ERMP1: variants seen among roughly 807,000 people sequenced by gnomAD.
The protein encoded by ERMP1 is Felix-ina.
A neutral mutation model predicts 92.0 loss-of-function variants in ERMP1; 86 were observed. That is an observed-to-expected ratio of 0.93 (90% CI 0.79 to 1.12). ERMP1 has a LOEUF of 1.12. ERMP1 is among the 50% of genes most tolerant of loss of function. ERMP1 has a pLI of 0.00. For synonymous variants in ERMP1, 530 were observed against 412.8 expected, an observed-to-expected ratio of 1.28 and a Z score of -3.44; for missense variants, 1,342 against 1,116.3, an observed-to-expected ratio of 1.20 and a Z score of -2.88.
At chr9:5,819,217 A>G (rs10758707) in intron 4 of ERMP1, among the ~76,000 whole-genome samples, 71,626 of 152,058 alleles carry the variant, frequency 0.47, 19,771 homozygotes, top group Non-Finnish European at 0.62. Flanking sequence ...CATCCATACA[A>G]TGGGTTAGTC....
intron 4 of ERMP1, among the ~76,000 whole-genome samples, chr9:5,813,329 T>C (rs1425486324): frequency 2.0e-5 from 3 of 152,200 alleles, no homozygotes; most frequent in Non-Finnish European, 4.4e-5. Context: ...TTATCAATTG[T>C]ATATCTTTAA....
intron 4 of ERMP1, among the ~76,000 whole-genome samples, chr9:5,819,978 G>A (rs1308559815): frequency 6.6e-6 from 1 of 152,168 alleles, no homozygotes; most frequent in Non-Finnish European, 1.5e-5. Context: ...CAATAAAGCT[G>A]TAACTTTAAA....
chr9:5,833,861 G>C (rs1301568984), upstream of ERMP1, among the ~76,000 whole-genome samples: 2 of 152,084 alleles, frequency 1.3e-5, no homozygotes, highest in Non-Finnish European at 2.9e-5. Flanking sequence ...CGACTCTCTG[G>C]GGCGGTTAAG....
At chr9:5,843,241 G>C (rs1337385383) in intron 6 of ERMP1, among the ~76,000 whole-genome samples, 3 of 152,224 alleles carry the variant, frequency 2.0e-5, no homozygotes, top group Admixed American at 6.5e-5. Flanking sequence ...AGTAACCATA[G>C]CTCTGCGGAA....
At chr9:5,834,699 A>G (rs62558105), upstream of ERMP1, among the ~76,000 whole-genome samples, 243 of 81,998 alleles carry the variant, frequency 3.0e-3, no homozygotes, top group Non-Finnish European at 5.9e-3. Context: ...ATATGTATGT[A>G]TATATGTGTG....
chr9:5,824,756 T>C (rs1028822274), intron 3 of ERMP1, among the ~76,000 whole-genome samples: 4 of 152,194 alleles, frequency 2.6e-5, no homozygotes, highest in African/African-American at 9.6e-5. Context: ...AGACGATCCA[T>C]ATGGCTGGGC....
chr9:5,854,282 T>C (rs1407601859), intron 6 of ERMP1, among the ~76,000 whole-genome samples: 1 of 152,098 alleles, frequency 6.6e-6, no homozygotes, highest in African/African-American at 2.4e-5. Context: ...GAGTGAATCT[T>C]TGGAATAGAA....
intron 11 of ERMP1, 115 bp downstream of exon 11, chr9:5,801,061 A>G: frequency 9.4e-7 from 1 of 1,060,520 alleles, no homozygotes; most frequent in Non-Finnish European, 1.4e-6. Flanking sequence ...AAAGGTGAGT[A>G]TGACTAAATA....
intron 6 of ERMP1, among the ~76,000 whole-genome samples, chr9:5,848,351 T>C (rs1389630304): frequency 1.3e-5 from 2 of 152,036 alleles, no homozygotes; most frequent in African/African-American, 4.8e-5. Flanking sequence ...CTCCTGCAGC[T>C]GGAAAAAGCA....
chr9:5,832,696 T>A lies in ERMP1; in HGVS notation c.332A>T (p.Gln111Leu), dbSNP rs1830002812. The change falls in exon 1 of 15, where the codon CAA (glutamine) becomes CTA (leucine). Residue 111 changes from glutamine to leucine, a missense_variant. By Grantham distance (113) the Gln-to-Leu change is moderately radical. Coordinates refer to ENST00000339450, the MANE Select transcript of ERMP1 (RefSeq NM_024896.3). ...AGHRGEFDAL[Q>L]ARDYLEHITS... is the part of the protein sequence containing the mutation. ...AGGAGGGAGCGGCCGGTACCTGGCT[T>A]GGAGCGCGTCGAACTCCCCGCGGTG... The A allele has an allele frequency of 6.8e-7, 1 of 1,470,770 alleles. No homozygotes were observed. Among genetic ancestry groups the A allele is most frequent in the African/African-American group, 1.5e-5 (1 of 68,248 alleles). The allele number at this position is 1,470,770 out of a possible 1,614,324, so 91.1% of individuals were successfully genotyped here. A position where few individuals can be genotyped will look rare whatever the true frequency, so the allele number is the denominator to read the frequency against.
chr9:5,849,827 TA>T (rs1355196993), intron 6 of ERMP1, among the ~76,000 whole-genome samples: 1 of 152,220 alleles, frequency 6.6e-6, no homozygotes, highest in East Asian at 1.9e-4. Context: ...GGATCACATA[TA>T]AATCTACCCA....
At chr9:5,805,546 G>T in intron 9 of ERMP1, 65 bp downstream of exon 9, 1 of 1,385,090 alleles carries the variant, frequency 7.2e-7, no homozygotes, top group Non-Finnish European at 9.6e-7. Flanking sequence ...AAAAGAAAGA[G>T]TCCCTGAAAG....
chr9:5,810,480 T>C (rs1050822470), intron 7 of ERMP1, among the ~76,000 whole-genome samples: 1 of 152,230 alleles, frequency 6.6e-6, no homozygotes, highest in African/African-American at 2.4e-5. Flanking sequence ...CTTCTAGGAA[T>C]AGTTCAGGTA....
intron 1 of ERMP1, 26 bp from the exon 2 acceptor site, chr9:5,831,054 A>T: frequency 1.3e-6 from 2 of 1,583,448 alleles, no homozygotes; most frequent in South Asian, 1.1e-5. Context: ...AGAATAACAA[A>T]GGTTTGTAGT....
At chr9:5,829,930 A>G (rs1248037740) in intron 2 of ERMP1, among the ~76,000 whole-genome samples, 1 of 152,252 alleles carries the variant, frequency 6.6e-6, no homozygotes, top group Non-Finnish European at 1.5e-5. Context: ...TGGAAGTTCA[A>G]TTTAGGGGAT....
Position 5,805,802 on chromosome 9 carries a change from T to C in ERMP1, c.1549-17A>G. The C allele has an allele frequency of 1.9e-6, 3 of 1,579,912 alleles. No homozygotes were observed. Among genetic ancestry groups the C allele is most frequent in the Non-Finnish European group, 2.6e-6 (3 of 1,165,094 alleles). Reference sequence around the variant, plus strand: ...ACTGGCATTCTGAAAGAAAGAAAAATATACAAGTAGTCTCATTCAGGGGTC... The same window carrying C: ...ACTGGCATTCTGAAAGAAAGAAAAACATACAAGTAGTCTCATTCAGGGGTC... On this transcript the variant is annotated splice_polypyrimidine_tract_variant and intron_variant, in intron 8 of 14. Transcript: ENST00000339450.
chr9:5,798,007 G>T, intron 12 of ERMP1, 75 bp from the exon 13 acceptor site: 1 of 893,830 alleles, frequency 1.1e-6, no homozygotes, highest in Non-Finnish European at 1.8e-6. Context: ...GAACTGTTCA[G>T]CATATATGAA....
At chr9:5,787,647 A>G (rs12379845) in intron 13 of ERMP1, 54 bp from the exon 14 acceptor site, 46,736 of 1,543,216 alleles carry the variant, frequency 0.03, 863 homozygotes, top group Middle Eastern at 0.037. Context: ...GATCAAAAAA[A>G]TAACCCACAA....
At position 5,787,549 on chromosome 9, in the gene ERMP1, T is replaced by C; in HGVS notation, c.2431A>G (p.Thr811Ala). 1 of 1,613,984 alleles carries C rather than the reference T, an allele frequency of 6.2e-7. No homozygotes were observed. Among genetic ancestry groups the C allele is most frequent in the Non-Finnish European group, 8.5e-7 (1 of 1,179,918 alleles). ...TTGCCAAGAGACCACTGAGAAAGTGTTGACCCTTTGTGGGCTCGAACATAG... is the reference window on the plus strand; with the variant it reads ...TTGCCAAGAGACCACTGAGAAAGTGCTGACCCTTTGTGGGCTCGAACATAG... ...SFYVRAHKGS[T>A]LSQWSLGNGT... The change falls in exon 14 of 15, where the codon ACA (threonine) becomes GCA (alanine). Residue 811 changes from threonine (T) to alanine (A), a missense_variant. Transcript: ENST00000339450.
Sources: allele counts gnomAD v4.1 joint callset (sites outside exome capture counted in the v4.1 genomes callset), GRCh38; gene constraint gnomAD v4.1.1; transcripts MANE v1.5; gene names NCBI Gene and HGNC (gene_info 2026-07-23, HGNC 2026-07-21).